Variants in ZNF248 observed in about 807,000 individuals in gnomAD.
ZNF248 encodes zinc finger protein 248.
A neutral mutation model predicts 44.3 loss-of-function variants in ZNF248; 20 were observed. That is an observed-to-expected ratio of 0.45 (90% confidence interval 0.32 to 0.66). The LOEUF (loss-of-function observed/expected upper bound fraction) is 0.66, where lower values mean the gene tolerates loss of function less well. ZNF248 is among the 30% of genes least tolerant of loss of function. ZNF248 has a pLI of 0.04. For synonymous variants in ZNF248, 224 were observed against 229.0 expected, an observed-to-expected ratio of 0.98 and a Z score of 0.20; for missense variants, 654 against 677.0, an observed-to-expected ratio of 0.97 and a Z score of 0.38.
the ZNF248 span, among the ~76,000 whole-genome samples, chr10:37,765,898 C>T: frequency 1.3e-5 from 2 of 152,314 alleles, no homozygotes; most frequent in South Asian, 4.1e-4. Flanking sequence ...AAAATTGGGT[C>T]ACTCCCACCC....
intron 6 of ZNF248, among the ~76,000 whole-genome samples, chr10:37,811,047 A>G (rs1480234288): frequency 6.6e-6 from 1 of 152,184 alleles, no homozygotes; most frequent in Non-Finnish European, 1.5e-5. Flanking sequence ...CATTTCCATA[A>G]ACACTGAATA....
chr10:37,799,451 C>G (rs181306934), intron 6 of ZNF248, among the ~76,000 whole-genome samples: 1 of 152,220 alleles, frequency 6.6e-6, no homozygotes, highest in East Asian at 1.9e-4. Context: ...CCCAGTTACT[C>G]AGGAGGCTGA....
At chr10:37,784,927 C>T (rs1168978345) in intron 6 of ZNF248, among the ~76,000 whole-genome samples, 1 of 152,154 alleles carries the variant, frequency 6.6e-6, no homozygotes, top group African/African-American at 2.4e-5. Flanking sequence ...ACACTTACCC[C>T]ACCGTTAAGA....
At chr10:37,818,100 T>A (rs552159109) in intron 6 of ZNF248, among the ~76,000 whole-genome samples, 1 of 152,204 alleles carries the variant, frequency 6.6e-6, no homozygotes, top group Admixed American at 6.5e-5. Flanking sequence ...GTATTTTTAG[T>A]AGAGACGGGG....
chr10:37,765,290 C>T, the ZNF248 span, among the ~76,000 whole-genome samples: 1 of 152,162 alleles, frequency 6.6e-6, no homozygotes, highest in Admixed American at 6.6e-5. Flanking sequence ...ATTCCTTGAG[C>T]TGTTTAGGGA....
chr10:37,802,527 T>C (rs1301426341), intron 6 of ZNF248, among the ~76,000 whole-genome samples: 2 of 152,134 alleles, frequency 1.3e-5, no homozygotes, highest in Non-Finnish European at 2.9e-5. Context: ...TCCCCTCCCA[T>C]TGGCTAAAAG....
At chr10:37,848,373 CAGG>C (rs1313213642) in intron 3 of ZNF248, among the ~76,000 whole-genome samples, 2 of 152,052 alleles carry the variant, frequency 1.3e-5, no homozygotes, top group Admixed American at 6.6e-5. Flanking sequence ...CGCCTGAGCT[CAGG>C]AGTTCGAGAA....
intron 3 of ZNF248, among the ~76,000 whole-genome samples, chr10:37,843,425 A>G (rs1368708834): frequency 6.8e-6 from 1 of 147,538 alleles, no homozygotes; most frequent in African/African-American, 2.5e-5. Flanking sequence ...CTCTGCCTCA[A>G]AAAAAAAAAA....
At chr10:37,819,131 T>A in intron 6 of ZNF248, 2 of 787,856 alleles carry the variant, frequency 2.5e-6, no homozygotes, top group South Asian at 2.7e-5. Flanking sequence ...TAAAAGAATA[T>A]TCCCTGGTTT....
chr10:37,801,574 A>G (rs1262618448), intron 6 of ZNF248, among the ~76,000 whole-genome samples: 1 of 152,172 alleles, frequency 6.6e-6, no homozygotes, highest in Non-Finnish European at 1.5e-5. Context: ...TATATACAAG[A>G]GCCTTAAAAA....
intron 6 of ZNF248, among the ~76,000 whole-genome samples, chr10:37,800,726 A>C (rs919781202): frequency 2.6e-5 from 4 of 151,396 alleles, no homozygotes; most frequent in Non-Finnish European, 5.9e-5. Flanking sequence ...ACTAATTTAC[A>C]TTCCCACCAG....
intron 3 of ZNF248, 101 bp from the exon 4 acceptor site, chr10:37,838,212 G>A (rs2057631467): frequency 1.0e-5 from 11 of 1,093,054 alleles, no homozygotes; most frequent in Middle Eastern, 2.2e-4. Flanking sequence ...AAAATGACAG[G>A]TTACCTCCCT....
At chr10:37,800,923 A>G (rs1432890623) in intron 6 of ZNF248, among the ~76,000 whole-genome samples, 1 of 151,794 alleles carries the variant, frequency 6.6e-6, no homozygotes, top group African/African-American at 2.4e-5. Flanking sequence ...CACTACACCC[A>G]GCTAATTTTT....
Position 37,832,863 on chromosome 10 carries a change from C to T in ZNF248, c.492G>A (p.Lys164=), listed in dbSNP as rs1457653354. The T allele has an allele frequency of 1.2e-6, 2 of 1,613,822 alleles. No homozygotes were observed. Among genetic ancestry groups the T allele is most frequent in the East Asian group, 4.5e-5 (2 of 44,846 alleles). Residue 164 remains lysine, a synonymous_variant, in exon 6 of 6, where the codon AAG becomes AAA. Transcript: ENST00000395867. ...IISKKNCSRK[K]PDEFNVCEKL... is the part of the protein sequence containing the mutation. ...TCTCACATACATTAAACTCATCAGG[C>T]TTCTTTCTGGAACAGTTCTTTTTAC...
At position 37,793,268 on chromosome 10, in the gene ZNF248, G is replaced by A. The variant is rs547204070; in HGVS notation, c.331-16693C>T. ...CAGAATTGCTTGAACCTGGGAAGCGGAGGTTGCAGTGAGCCGAGATCACGC... is the reference window on the plus strand; with the variant it reads ...CAGAATTGCTTGAACCTGGGAAGCGAAGGTTGCAGTGAGCCGAGATCACGC... On this transcript the variant is annotated intron_variant, in intron 6 of 6. Coordinates refer to the ZNF248 transcript ENST00000615949. Among the ~76,000 whole-genome samples the A allele has an allele frequency of 3.3e-5, 5 of 152,212 alleles. No individual in the cohort carries two copies. The East Asian group carries it at 5.8e-4, about 18-fold the overall frequency.
downstream of ZNF248, chr10:37,776,406 T>C (rs551914233): frequency 1.1e-4 from 44 of 388,100 alleles, no homozygotes; most frequent in African/African-American, 7.8e-4. Flanking sequence ...TACTTCAGGC[T>C]GTGCAAACTG....
chr10:37,855,567 G>T (rs769315652), intron 3 of ZNF248, among the ~76,000 whole-genome samples: 4 of 152,056 alleles, frequency 2.6e-5, no homozygotes, highest in Admixed American at 2.0e-4. Flanking sequence ...GACTAGGGAG[G>T]GAATCAAAGT....
chr10:37,852,906 G>A (rs2134870832), intron 3 of ZNF248, among the ~76,000 whole-genome samples: 1 of 151,876 alleles, frequency 6.6e-6, no homozygotes, highest in Middle Eastern at 3.4e-3. Flanking sequence ...TCTGTTGCCA[G>A]GCTGGAGTGC....
intron 6 of ZNF248, among the ~76,000 whole-genome samples, chr10:37,804,313 A>G (rs910732709): frequency 6.6e-6 from 1 of 151,948 alleles, no homozygotes; most frequent in Non-Finnish European, 1.5e-5. Context: ...GAGGATTTTC[A>G]AGAATACTTT....
Sources: gnomAD v4.1 joint callset for allele counts (sites outside exome capture counted in the v4.1 genomes callset) on GRCh38, gnomAD v4.1.1 for gene constraint, MANE v1.5 for transcripts, NCBI Gene and HGNC (gene_info 2026-07-23, HGNC 2026-07-21) for gene names.